The following PCDHGA9 variants were observed in gnomAD, a reference collection of about 807,000 sequenced individuals.
PCDHGA9 encodes protocadherin gamma-A9.
A neutral mutation model predicts 62.5 loss-of-function variants in PCDHGA9; 37 were observed. That is an observed-to-expected ratio of 0.59 (90% CI 0.46 to 0.78). PCDHGA9 has a LOEUF of 0.78. Ranked by LOEUF, PCDHGA9 falls within the 30% of genes least tolerant of loss-of-function variation. The pLI is 0.00. For missense variants in PCDHGA9, 1,138 were observed against 1,166.2 expected (o/e 0.98, Z 0.35); for synonymous variants, 459 against 484.6 (o/e 0.95, Z 0.69).
intron 1 of PCDHGA9, chr5:141,413,647 C>T (rs1371772412): frequency 1.2e-6 from 2 of 1,613,880 alleles, no homozygotes; most frequent in Non-Finnish European, 1.7e-6. Context: ...GCGTTTTCCT[C>T]TCCCGGAAGC....
Position 141,489,101 on chromosome 5 carries a change from T to C in PCDHGA9, c.2425-5706T>C. The C allele has an allele frequency of 2.5e-6, 1 of 398,412 alleles. No homozygotes were observed. The highest frequency in any genetic ancestry group is 4.3e-5 in the South Asian group (1 of 23,096). The allele number at this position is 398,412 out of a possible 1,614,324, so 24.7% of individuals were successfully genotyped here. A position where few individuals can be genotyped will look rare whatever the true frequency, so the allele number is the denominator to read the frequency against. ...CCGCCACTCGGTGACTAAGAACTGC[T>C]GCAAGCAGGCAAACCTCCGAGCAGT... On this transcript the variant is annotated intron_variant, in intron 1 of 3. Coordinates refer to ENST00000573521, the MANE Select transcript of PCDHGA9 (RefSeq NM_018921.3). The surrounding 1 kb of genome is among the most constrained non-coding windows in gnomAD (Gnocchi z 4.5).
At chr5:141,441,818 TG>T in intron 1 of PCDHGA9, 1 of 359,922 alleles carries the variant, frequency 2.8e-6, no homozygotes, top group Non-Finnish European at 5.5e-6. Flanking sequence ...ACCCCAGCTC[TG>T]GAGCGCAATG....
Position 141,489,764 on chromosome 5 carries a change from A to G in PCDHGA9, c.2425-5043A>G. ...GTGAGCTTTTACACTCTAAGCCCCA[A>G]CAGCCACTTCTCTCTGAATGTGAAG... is the stretch of plus-strand genomic sequence containing the variant. On this transcript the variant is annotated intron_variant, in intron 1 of 3. Transcript: ENST00000573521. The surrounding 1 kb of genome is among the most constrained non-coding windows in gnomAD (Gnocchi z 4.5). 2 of 1,613,556 alleles carry G rather than the reference A, an allele frequency of 1.2e-6. No homozygotes were observed. The highest frequency in any genetic ancestry group is 1.7e-6 in the Non-Finnish European group (2 of 1,179,894).
intron 1 of PCDHGA9, chr5:141,430,898 G>A: frequency 6.2e-7 from 1 of 1,605,834 alleles, no homozygotes; most frequent in East Asian, 2.2e-5. Flanking sequence ...TAGGGTGGGC[G>A]ACATCTCCAG....
In PCDHGA9 at chr5:141,486,718, A is replaced by G; in HGVS notation, c.2425-8089A>G. 6.2e-7 allele frequency: 1 copy of G among 1,614,106 alleles called. No individual in the cohort carries two copies. The highest frequency in any genetic ancestry group is 1.7e-5 in the Admixed American group (1 of 60,022). On this transcript the variant is annotated intron_variant, in intron 1 of 3. Coordinates refer to ENST00000573521, the MANE Select transcript of PCDHGA9 (RefSeq NM_018921.3). This position sits in a 1 kb window ranked among gnomAD's most constrained non-coding sequence, Gnocchi z 5.0. Reference sequence around the variant, plus strand: ...TCATCTCTCTGAACCCCCAGACAGGAGCTGTTCATGCTACTCGATCCTTTG... The same window carrying G: ...TCATCTCTCTGAACCCCCAGACAGGGGCTGTTCATGCTACTCGATCCTTTG...
intron 1 of PCDHGA9, among the ~76,000 whole-genome samples, chr5:141,456,033 G>A (rs1398584179): frequency 6.6e-6 from 1 of 151,884 alleles, no homozygotes; most frequent in Non-Finnish European, 1.5e-5. Flanking sequence ...GAGTAGCTGG[G>A]ACTACAGGCG....
In PCDHGA9 at chr5:141,418,608, GC is replaced by G. The variant is rs1422456031; in HGVS notation, c.2424+13234del. On this transcript the variant is annotated intron_variant, in intron 1 of 3. Transcript: ENST00000573521. Reference sequence around the variant, plus strand: ...TTCAGCCAGGACGTGTACAGGGTTAGCCTTCGGGAAGACGTGCCTCCAGGCA... The same window carrying G: ...TTCAGCCAGGACGTGTACAGGGTTAGCTTCGGGAAGACGTGCCTCCAGGCA... 4 of 1,613,922 alleles carry G rather than the reference GC, an allele frequency of 2.5e-6. No individual in the cohort carries two copies. In the African/African-American group the frequency reaches 5.3e-5, roughly 22 times the overall value.
intron 1 of PCDHGA9, chr5:141,427,665 G>A (rs763897261): frequency 1.3e-5 from 10 of 782,298 alleles, no homozygotes; most frequent in Admixed American, 3.9e-5. Flanking sequence ...CCACGTGGCC[G>A]AAAACAACCT....
intron 1 of PCDHGA9, chr5:141,422,115 T>G: frequency 6.2e-7 from 1 of 1,605,004 alleles, no homozygotes; most frequent in Non-Finnish European, 8.5e-7. Context: ...TCCAATTGGA[T>G]TCACAAACTG....
chr5:141,449,756 T>C (rs2098654563), intron 1 of PCDHGA9, among the ~76,000 whole-genome samples: 1 of 151,728 alleles, frequency 6.6e-6, no homozygotes, highest in South Asian at 2.1e-4. Flanking sequence ...TTTATGACAT[T>C]TGAGAGTAAG....
In PCDHGA9 at chr5:141,498,823, C is replaced by A. The variant is rs540865523; in HGVS notation, c.2483+3958C>A. ...TGGTGCACACCTGTAGTCCCAGCTA[C>A]TCAGGAGGCTGAGGCAGGGGAATCG... On this transcript the variant is annotated intron_variant, in intron 2 of 3. Coordinates refer to ENST00000573521, the MANE Select transcript of PCDHGA9 (RefSeq NM_018921.3). Among the ~76,000 whole-genome samples the A allele has an allele frequency of 9.2e-5, 14 of 152,166 alleles. No homozygotes were observed. The East Asian group carries it at 1.5e-3, about 17-fold the overall frequency.
At chr5:141,470,723 G>T (rs1326927605) in intron 1 of PCDHGA9, among the ~76,000 whole-genome samples, 1 of 151,852 alleles carries the variant, frequency 6.6e-6, no homozygotes, top group East Asian at 1.9e-4. Flanking sequence ...TTTGAGTCAG[G>T]GTCTTGCTCT....
chr5:141,497,829 C>T (rs754594104), intron 2 of PCDHGA9, among the ~76,000 whole-genome samples: 147 of 152,160 alleles, frequency 9.7e-4, no homozygotes, highest in Non-Finnish European at 1.8e-3. Flanking sequence ...TGTGATCGCC[C>T]CCGGCCACAA....
rs1231591874 is a variant in PCDHGA9 at position 141,431,615 on chromosome 5, G to T, written c.2424+26239G>T. The T allele has an allele frequency of 3.1e-6, 5 of 1,614,118 alleles. No homozygotes were observed. Among genetic ancestry groups the T allele is most frequent in the African/African-American group, 2.7e-5 (2 of 74,950 alleles). On this transcript the variant is annotated intron_variant, in intron 1 of 3. Transcript: ENST00000573521. The surrounding 1 kb of genome is among the most constrained non-coding windows in gnomAD (Gnocchi z 4.8). Reference sequence around the variant, plus strand: ...GAGGTATTCCTTCCGGTATGTGGACGACAAGGCGGCCCAAGTTTTCAAACT... The same window carrying T: ...GAGGTATTCCTTCCGGTATGTGGACTACAAGGCGGCCCAAGTTTTCAAACT...
chr5:141,454,860 T>G (rs62379170), intron 1 of PCDHGA9, among the ~76,000 whole-genome samples: 5,850 of 133,200 alleles, frequency 0.044, 153 homozygotes, highest in Middle Eastern at 0.11. Context: ...CAGGCTGGAG[T>G]GCAGTGGCAC....
At chr5:141,452,411 A>G (rs965622061) in intron 1 of PCDHGA9, among the ~76,000 whole-genome samples, 8 of 152,200 alleles carry the variant, frequency 5.3e-5, no homozygotes, top group African/African-American at 1.9e-4. Context: ...GGTGTGAGGT[A>G]TGCTCACTGC....
At chr5:141,455,411 G>T (rs1292246147) in intron 1 of PCDHGA9, among the ~76,000 whole-genome samples, 1 of 152,096 alleles carries the variant, frequency 6.6e-6, no homozygotes, top group Non-Finnish European at 1.5e-5. Context: ...AGAGACAGAG[G>T]GAGCGGGGCT....
At chr5:141,507,132 C>T (rs748716107) in intron 3 of PCDHGA9, 2 of 152,188 alleles carry the variant, frequency 1.3e-5, no homozygotes, top group African/African-American at 2.4e-5. Flanking sequence ...GATCCAGCCT[C>T]GGCTTCTCTA....
intron 2 of PCDHGA9, among the ~76,000 whole-genome samples, chr5:141,500,254 G>A (rs1260325865): frequency 1.3e-5 from 2 of 150,426 alleles, no homozygotes; most frequent in Non-Finnish European, 3.0e-5. Context: ...TGTCACCCAG[G>A]CTGGACTGCA....
Sources: allele counts gnomAD v4.1 joint callset (sites outside exome capture counted in the v4.1 genomes callset), GRCh38; gene constraint gnomAD v4.1.1; non-coding constraint Gnocchi (gnomAD v3.1); transcripts MANE v1.5; gene names NCBI Gene and HGNC (gene_info 2026-07-23, HGNC 2026-07-21).